MTA3: variants seen among roughly 807,000 people sequenced by gnomAD.
MTA3 encodes the protein metastasis associated 1 family member 3.
In MTA3, 34 loss-of-function variants were observed where a neutral mutation model predicts 83.5. The ratio of observed to expected loss-of-function variants is 0.41; its 90% CI spans 0.31 to 0.54. The LOEUF (loss-of-function observed/expected upper bound fraction) is 0.54, where lower values mean the gene tolerates loss of function less well. MTA3 is among the 20% of genes least tolerant of loss of function. MTA3 has a pLI of 0.33. For missense variants in MTA3, 761 were observed against 726.4 expected (o/e 1.05, Z -0.55); for synonymous variants, 303 against 252.7 (o/e 1.20, Z -1.89).
intron 4 of MTA3, among the ~76,000 whole-genome samples, chr2:42,628,261 G>C (rs1686323031): frequency 7.4e-6 from 1 of 135,440 alleles, no homozygotes; most frequent in African/African-American, 2.8e-5. Context: ...ATGGAGTTTT[G>C]CTCTTGTCAC....
intron 2 of MTA3, among the ~76,000 whole-genome samples, chr2:42,559,239 C>G (rs554000636): frequency 1.3e-5 from 2 of 152,210 alleles, no homozygotes; most frequent in Non-Finnish European, 2.9e-5. Context: ...CAGTGGCTCA[C>G]GCCTGTAATC....
At chr2:42,499,775 G>GA (rs1055009065) in intron 2 of MTA3, among the ~76,000 whole-genome samples, 34 of 133,868 alleles carry the variant, frequency 2.5e-4, no homozygotes, top group East Asian at 4.6e-4. Context: ...GCAACAGAGG[G>GA]AAAAAAAAAA....
At chr2:42,664,407 G>T (rs191333168) in intron 8 of MTA3, among the ~76,000 whole-genome samples, 3 of 150,958 alleles carry the variant, frequency 2.0e-5, no homozygotes, top group African/African-American at 7.3e-5. Flanking sequence ...GTTGAATTTG[G>T]GGAGTCACAT....
chr2:42,594,369 T>A (rs1321146861), intron 3 of MTA3, among the ~76,000 whole-genome samples: 5 of 149,780 alleles, frequency 3.3e-5, no homozygotes, highest in Non-Finnish European at 5.9e-5. Context: ...TCTGAGTAGC[T>A]GGAATTACAG....
intron 11 of MTA3, among the ~76,000 whole-genome samples, chr2:42,699,590 T>A (rs1277770597): frequency 2.0e-5 from 3 of 152,170 alleles, no homozygotes; most frequent in African/African-American, 7.2e-5. Context: ...CCTAGAGTAG[T>A]AGCTCTGGAA....
chr2:42,542,486 G>A (rs1051512744), intron 2 of MTA3, among the ~76,000 whole-genome samples: 2 of 152,064 alleles, frequency 1.3e-5, no homozygotes, highest in African/African-American at 2.4e-5. Context: ...ACCGTCACAC[G>A]TACACCCCTT....
At chr2:42,538,147 G>C (rs1352635922) in intron 2 of MTA3, among the ~76,000 whole-genome samples, 1 of 151,920 alleles carries the variant, frequency 6.6e-6, no homozygotes, top group Non-Finnish European at 1.5e-5. Flanking sequence ...GCAGGAGAAT[G>C]GCGTGAACCC....
At chr2:42,595,150 C>A (rs1390730677) in intron 3 of MTA3, among the ~76,000 whole-genome samples, 2 of 119,308 alleles carry the variant, frequency 1.7e-5, no homozygotes, top group South Asian at 5.9e-4. Context: ...CGCTCTGTCA[C>A]CCAGGCTGGA....
intron 3 of MTA3, among the ~76,000 whole-genome samples, chr2:42,594,714 A>ATG (rs1681504420): frequency 2.6e-5 from 1 of 38,730 alleles, no homozygotes; most frequent in Admixed American, 4.0e-4. Flanking sequence ...ACATATATAT[A>ATG]TATATATATA....
chr2:42,598,486 A>G (rs1682123514), intron 3 of MTA3, among the ~76,000 whole-genome samples: 3 of 152,300 alleles, frequency 2.0e-5, no homozygotes, highest in Non-Finnish European at 4.4e-5. Flanking sequence ...TAAGGACCTT[A>G]TACATAATCT....
At chr2:42,639,844 C>G (rs996413968) in intron 4 of MTA3, among the ~76,000 whole-genome samples, 2 of 152,108 alleles carry the variant, frequency 1.3e-5, no homozygotes, top group Non-Finnish European at 2.9e-5. Context: ...GGTTCAGAAA[C>G]TGACTCTTAG....
At chr2:42,712,642 A>G (rs1029611090) in intron 14 of MTA3, 1 of 152,212 alleles carries the variant, frequency 6.6e-6, no homozygotes, top group Non-Finnish European at 1.5e-5. Context: ...TTAAAAATGG[A>G]TTGGTAGACC....
At chr2:42,593,119 C>T (rs981709102) in intron 3 of MTA3, among the ~76,000 whole-genome samples, 2 of 151,360 alleles carry the variant, frequency 1.3e-5, no homozygotes, top group African/African-American at 4.9e-5. Context: ...TGTCACTGCA[C>T]TCCAGCCTTG....
chr2:42,556,605 C>A (rs1677404308), intron 2 of MTA3, among the ~76,000 whole-genome samples: 1 of 152,196 alleles, frequency 6.6e-6, no homozygotes, highest in East Asian at 1.9e-4. Flanking sequence ...CTGCCCGATG[C>A]TGCAGATGCT....
At chr2:42,592,640 T>C (rs1681157785) in intron 3 of MTA3, among the ~76,000 whole-genome samples, 1 of 152,110 alleles carries the variant, frequency 6.6e-6, no homozygotes, top group South Asian at 2.1e-4. Context: ...AACATAAACA[T>C]ATATATTAGC....
At chr2:42,619,542 G>A (rs980391294) in intron 4 of MTA3, among the ~76,000 whole-genome samples, 7 of 152,072 alleles carry the variant, frequency 4.6e-5, no homozygotes, top group Non-Finnish European at 7.4e-5. Context: ...TTAAAGAAAA[G>A]TTAAATAAAT....
chr2:42,676,614 A>G (rs1163245687), intron 8 of MTA3, among the ~76,000 whole-genome samples: 1 of 152,070 alleles, frequency 6.6e-6, no homozygotes, highest in African/African-American at 2.4e-5. Context: ...GAAAATACAA[A>G]AATTAGCTGG....
chr2:42,661,517 A>G (rs1252163192), intron 8 of MTA3, among the ~76,000 whole-genome samples: 3 of 146,664 alleles, frequency 2.0e-5, no homozygotes, highest in Non-Finnish European at 3.0e-5. Flanking sequence ...AAAAAAAAAA[A>G]AAAAAAAAAA....
intron 2 of MTA3, among the ~76,000 whole-genome samples, chr2:42,548,818 TATATATATATAATATATATATATATATA>T (rs1308042237): frequency 0.029 from 710 of 24,368 alleles, 27 homozygotes; most frequent in Non-Finnish European, 0.051. Context: ...AAAATATATA[TATATATATATAATATATATATATATATA>T]ATATATATAT....
Sources: gnomAD v4.1 joint callset for allele counts (sites outside exome capture counted in the v4.1 genomes callset) on GRCh38, gnomAD v4.1.1 for gene constraint, MANE v1.5 for transcripts, NCBI Gene and HGNC (gene_info 2026-07-23, HGNC 2026-07-21) for gene names.